Variants in PDE3B observed in about 807,000 individuals in gnomAD.
The protein encoded by PDE3B is cGMP-inhibited 3',5'-cyclic phosphodiesterase 3B.
In PDE3B, 66 loss-of-function variants were observed where a neutral mutation model predicts 116.8. The ratio of observed to expected loss-of-function variants is 0.56; its 90% CI spans 0.46 to 0.69. The LOEUF is 0.69. Among genes scored for constraint, PDE3B ranks in the 30% least tolerant of loss-of-function variants. The pLI is 0.00. For synonymous variants in PDE3B, 595 were observed against 533.6 expected (o/e 1.12, Z -1.59); for missense variants, 1,384 against 1,368.1 (o/e 1.01, Z -0.18).
intron 1 of PDE3B, among the ~76,000 whole-genome samples, chr11:14,766,835 A>G (rs1296258941): frequency 6.6e-6 from 1 of 151,394 alleles, no homozygotes; most frequent in East Asian, 1.9e-4. Context: ...ATTAAGTAGG[A>G]AAAAAAATCA....
chr11:14,671,487 T>C (rs1854367098), intron 1 of PDE3B, among the ~76,000 whole-genome samples: 1 of 152,174 alleles, frequency 6.6e-6, no homozygotes, highest in Non-Finnish European at 1.5e-5. Context: ...TAAGGCCTTA[T>C]ACACCTTGTT....
rs1286543800 is a variant in PDE3B, at chr11:14,673,819, G to T, written c.978+28766G>T. ...ATGGGTGCCTTGGGGTGATCTGCAA[G>T]AATTTCGGCATACTGTGGTCTCTCA... On this transcript the variant is annotated intron_variant, in intron 1 of 15. Transcript: ENST00000282096. 5 of 979,930 alleles carry T rather than the reference G, an allele frequency of 5.1e-6. No individual in the cohort carries two copies. The Admixed American group carries it at 8.5e-5, about 17-fold the overall frequency. The allele number at this position is 979,930 out of a possible 1,614,324, so 60.7% of individuals were successfully genotyped here.
At chr11:14,713,667 G>C (rs1855774304) in intron 1 of PDE3B, among the ~76,000 whole-genome samples, 1 of 151,266 alleles carries the variant, frequency 6.6e-6, no homozygotes, top group Non-Finnish European at 1.5e-5. Flanking sequence ...ACAATCATGT[G>C]AACTACTTCC....
At chr11:14,831,612 T>A (rs766341165) in intron 8 of PDE3B, 28 bp from the exon 9 acceptor site, 2 of 1,424,160 alleles carry the variant, frequency 1.4e-6, no homozygotes, top group Non-Finnish European at 1.9e-6. Context: ...AAAGATAAAA[T>A]AAAGTTGTTG....
chr11:14,702,323 C>G lies in PDE3B; in HGVS notation c.978+57270C>G, dbSNP rs73412633. On this transcript the variant is annotated intron_variant, in intron 1 of 15. Transcript: ENST00000282096. The stretch of plus-strand genomic sequence containing the variant: ...TAATAAGAGTTTATTGATGTCATTC[C>G]TCCTACTTCCTAATTTCTTTTGGCA... 5.0e-3 allele frequency among the ~76,000 whole-genome samples: 756 copies of G among 151,766 alleles called. 7 individuals are homozygous for G. Among genetic ancestry groups the G allele is most frequent in the African/African-American group, 0.018 (739 of 41,472 alleles).
intron 1 of PDE3B, among the ~76,000 whole-genome samples, chr11:14,714,714 C>T (rs186289365): frequency 6.6e-6 from 1 of 152,074 alleles, no homozygotes; most frequent in African/African-American, 2.4e-5. Context: ...TATCCACCAG[C>T]CACACATAGC....
At chr11:14,873,269 T>A (rs1848161740), downstream of PDE3B, among the ~76,000 whole-genome samples, 1 of 152,234 alleles carries the variant, frequency 6.6e-6, no homozygotes, top group African/African-American at 2.4e-5. Flanking sequence ...AGTGGGAACT[T>A]CATTCTATTT....
intron 4 of PDE3B, among the ~76,000 whole-genome samples, chr11:14,800,326 G>A (rs535182353): frequency 1.2e-4 from 18 of 152,262 alleles, no homozygotes; most frequent in Admixed American, 4.6e-4. Flanking sequence ...TTAGCTGGGC[G>A]TGGTGGTGCG....
Position 14,869,735 on chromosome 11 carries a change from A to G in PDE3B, c.*75A>G, listed in dbSNP as rs1041424407. 35 of 1,213,234 alleles carry G rather than the reference A, an allele frequency of 2.9e-5. No homozygotes were observed. The highest frequency in any genetic ancestry group is 1.9e-4 in the Middle Eastern group (1 of 5,210). 75.2% of individuals were successfully genotyped at this position (1,213,234 alleles called of 1,614,324 possible). ...TGCCCAGGGGCAGAAATCATTGCCT[A>G]GTGTTCACCGGCTGACTCTCAACTG... On this transcript the variant is annotated 3_prime_UTR_variant, in exon 16 of 16. Transcript: ENST00000282096.
chr11:14,891,841 G>C, the PDE3B span: 1 of 1,417,750 alleles, frequency 7.1e-7, no homozygotes, highest in African/African-American at 1.4e-5. Flanking sequence ...CGGGAAGCGG[G>C]TGTCCCTCAA....
chr11:14,731,459 C>G (rs565966705), intron 1 of PDE3B, among the ~76,000 whole-genome samples: 1 of 151,860 alleles, frequency 6.6e-6, no homozygotes, highest in Admixed American at 6.6e-5. Context: ...GGGGTTTCAT[C>G]GTGTTAGCCA....
intron 4 of PDE3B, among the ~76,000 whole-genome samples, chr11:14,802,858 G>C (rs1342011486): frequency 1.3e-5 from 2 of 152,206 alleles, no homozygotes; most frequent in Non-Finnish European, 2.9e-5. Flanking sequence ...AGAAAACAAA[G>C]ATATTTAGCA....
intron 1 of PDE3B, among the ~76,000 whole-genome samples, chr11:14,722,891 G>T (rs1158633467): frequency 6.6e-6 from 1 of 152,146 alleles, no homozygotes; most frequent in Non-Finnish European, 1.5e-5. Flanking sequence ...TAGAATGGAG[G>T]TGCTTGGTGT....
intron 1 of PDE3B, among the ~76,000 whole-genome samples, chr11:14,689,158 T>C (rs1049374052): frequency 6.6e-6 from 1 of 152,220 alleles, no homozygotes; most frequent in Non-Finnish European, 1.5e-5. Flanking sequence ...TTCATTGTGC[T>C]TTAGTTTTCT....
At chr11:14,846,938 G>A (rs1467045681) in intron 12 of PDE3B, among the ~76,000 whole-genome samples, 2 of 152,160 alleles carry the variant, frequency 1.3e-5, no homozygotes, top group African/African-American at 4.8e-5. Flanking sequence ...CAATGAGACA[G>A]AAAGTTAACA....
chr11:14,782,558 T>C (rs909250041), intron 2 of PDE3B, among the ~76,000 whole-genome samples: 1 of 152,212 alleles, frequency 6.6e-6, no homozygotes, highest in Non-Finnish European at 1.5e-5. Flanking sequence ...GCTAGCCATA[T>C]GTAGAAAGCT....
At chr11:14,680,603 G>T (rs1255617300) in intron 1 of PDE3B, among the ~76,000 whole-genome samples, 2 of 152,120 alleles carry the variant, frequency 1.3e-5, no homozygotes, top group Admixed American at 6.6e-5. Context: ...TACATGTCTA[G>T]ATGTGTTTAT....
At chr11:14,847,810 G>A (rs1847644966) in intron 12 of PDE3B, among the ~76,000 whole-genome samples, 1 of 152,142 alleles carries the variant, frequency 6.6e-6, no homozygotes, top group East Asian at 1.9e-4. Context: ...TCTCTGAACA[G>A]ACCAATAACA....
chr11:14,747,160 A>G (rs532915787), intron 1 of PDE3B, among the ~76,000 whole-genome samples: 2 of 152,326 alleles, frequency 1.3e-5, no homozygotes, highest in East Asian at 3.9e-4. Flanking sequence ...TAAACAACAC[A>G]GTCATCACCA....
Sources: allele counts gnomAD v4.1 joint callset (sites outside exome capture counted in the v4.1 genomes callset), GRCh38; gene constraint gnomAD v4.1.1; transcripts MANE v1.5; gene names NCBI Gene and HGNC (gene_info 2026-07-23, HGNC 2026-07-21).